Variants in SULT1C3 observed in about 807,000 individuals in gnomAD.
SULT1C3 encodes the protein sulfotransferase 1C3.
Under a neutral mutation model 28.4 loss-of-function variants are expected in SULT1C3, and 31 were observed. The observed-to-expected ratio is 1.09, with a 90% CI of 0.82 to 1.47. The LOEUF is 1.47. Ranked by LOEUF, SULT1C3 falls within the 40% of genes most tolerant of loss-of-function variation. The probability of loss-of-function intolerance (pLI) is 0.00; values close to 1 mark genes in which losing one functional copy is unlikely to be tolerated. For missense variants in SULT1C3, 307 were observed against 272.5 expected, an observed-to-expected ratio of 1.13 and a Z score of -0.89; for synonymous variants, 106 against 92.2, an observed-to-expected ratio of 1.15 and a Z score of -0.86.
rs1463760403 is a variant in SULT1C3, at chr2:108,252,416, T to A, written c.224T>A (p.Val75Glu). The change falls in exon 3 of 8, where the codon GTG becomes GAG. Residue 75 changes from valine to glutamate, a missense_variant. Coordinates refer to ENST00000681802, the MANE Select transcript of SULT1C3 (RefSeq NM_001320878.2). ...ILDMILNDGD[V>E]EKCKRAQTLD... Reference sequence around the variant, plus strand: ...GACATGATTCTAAATGATGGTGATGTGGAGAAATGCAAAAGAGCCCAGACT... The same window carrying A: ...GACATGATTCTAAATGATGGTGATGAGGAGAAATGCAAAAGAGCCCAGACT... 9 of 1,612,284 alleles carry A rather than the reference T, an allele frequency of 5.6e-6. No homozygotes were observed. The African/African-American group carries it at 1.2e-4, about 22-fold the overall frequency.
At chr2:108,248,090 A>G (rs1348839599) in intron 2 of SULT1C3, among the ~76,000 whole-genome samples, 1 of 152,186 alleles carries the variant, frequency 6.6e-6, no homozygotes, top group Non-Finnish European at 1.5e-5. Flanking sequence ...TATTCCCAGA[A>G]TTGTTTGTTT....
At chr2:108,250,257 G>A (rs1217273511) in intron 2 of SULT1C3, among the ~76,000 whole-genome samples, 2 of 151,538 alleles carry the variant, frequency 1.3e-5, no homozygotes, top group Non-Finnish European at 2.9e-5. Flanking sequence ...TATTAAAGTG[G>A]GCAAAAGATG....
intron 3 of SULT1C3, 59 bp from the exon 4 acceptor site, chr2:108,253,286 T>G (rs1043412589): frequency 9.2e-7 from 1 of 1,086,362 alleles, no homozygotes; most frequent in South Asian, 2.3e-5. Context: ...ATAAATGGAA[T>G]TCAAGTATTT....
chr2:108,265,011 T>G, downstream of SULT1C3: 6 of 1,604,298 alleles, frequency 3.7e-6, no homozygotes, highest in South Asian at 1.1e-5. Context: ...GAAAGGTAGA[T>G]AAGCTTTGTA....
intron 2 of SULT1C3, among the ~76,000 whole-genome samples, chr2:108,251,753 G>T (rs905987376): frequency 3.3e-5 from 5 of 151,978 alleles, no homozygotes; most frequent in Non-Finnish European, 7.4e-5. Context: ...ATGGAAAGAT[G>T]ATTCTAAGCT....
At chr2:108,250,234 C>CA (rs879647159) in intron 2 of SULT1C3, among the ~76,000 whole-genome samples, 1,626 of 144,482 alleles carry the variant, frequency 0.011, 21 homozygotes, top group African/African-American at 0.036. Context: ...GAACAAAAAA[C>CA]AAAAAAAAAA....
Position 108,258,843 on chromosome 2 carries a change from G to A in SULT1C3, c.621+15G>A, listed in dbSNP as rs1215642346. On this transcript the variant is annotated intron_variant, in intron 6 of 7. Transcript: ENST00000681802. The stretch of plus-strand genomic sequence containing the variant: ...ATATTAAAAAAGTAAGTGGCACTGA[G>A]ACTTATAGGTCAGACCCAGAAACCC... 6.3e-7 allele frequency: 1 copy of A among 1,594,014 alleles called. No homozygotes were observed. Among genetic ancestry groups the A allele is most frequent in the East Asian group, 2.2e-5 (1 of 44,536 alleles).
rs1479508509 is a variant in SULT1C3 at position 108,260,756 on chromosome 2, G to C, written c.*76G>C. 4.6e-6 allele frequency: 2 copies of C among 430,434 alleles called. No individual in the cohort carries two copies. The highest frequency in any genetic ancestry group is 1.4e-4 in the East Asian group (2 of 14,230). The allele number at this position is 430,434 out of a possible 1,614,324, so 26.7% of individuals were successfully genotyped here. A position where few individuals can be genotyped will look rare whatever the true frequency, so the allele number is the denominator to read the frequency against. Reference sequence around the variant, plus strand: ...TTTATTCTGTTGAGCAAGGAACTGTGACTGAATGTGGAGCTTATGAGCTTC... The same window carrying C: ...TTTATTCTGTTGAGCAAGGAACTGTCACTGAATGTGGAGCTTATGAGCTTC... On this transcript the variant is annotated 3_prime_UTR_variant, in exon 8 of 8. Coordinates refer to ENST00000681802, the MANE Select transcript of SULT1C3 (RefSeq NM_001320878.2).
intron 1 of SULT1C3, among the ~76,000 whole-genome samples, chr2:108,245,452 T>A (rs11123685): frequency 0.26 from 39,044 of 152,128 alleles, 6,297 homozygotes; most frequent in South Asian, 0.39. Context: ...CTGGTTAACT[T>A]CCAGACTTAG....
chr2:108,255,621 A>G lies in SULT1C3; in HGVS notation c.449A>G (p.His150Arg), dbSNP rs766074530. Residue 150 changes from histidine (H) to arginine (R), a missense_variant, in exon 5 of 8, where the codon CAC (histidine) becomes CGC (arginine). Coordinates refer to ENST00000681802, the MANE Select transcript of SULT1C3 (RefSeq NM_001320878.2). The stretch of plus-strand genomic sequence containing the variant: ...AAGGATTGCCTGGTGTCCTACTACC[A>G]CTTTCACAGGATGGCTTCCTTTATG... ...NPKDCLVSYYHFHRMASFMPD... is the reference protein window; with the variant it reads ...NPKDCLVSYYRFHRMASFMPD... 1 of 1,611,822 alleles carries G rather than the reference A, an allele frequency of 6.2e-7. No homozygotes were observed. Among genetic ancestry groups the G allele is most frequent in the Non-Finnish European group, 8.5e-7 (1 of 1,178,580 alleles).
chr2:108,259,356 C>T (rs191466808), intron 7 of SULT1C3, among the ~76,000 whole-genome samples: 14 of 152,214 alleles, frequency 9.2e-5, no homozygotes, highest in African/African-American at 3.1e-4. Flanking sequence ...CTTGCTAAAG[C>T]TCTGATTGCT....
chr2:108,252,794 G>A (rs1322471016), intron 3 of SULT1C3, among the ~76,000 whole-genome samples: 1 of 151,964 alleles, frequency 6.6e-6, no homozygotes, highest in African/African-American at 2.4e-5. Flanking sequence ...TTGAATCAGT[G>A]GAAAGGCCAG....
chr2:108,240,720 G>A (rs1052283795), intron 1 of SULT1C3, among the ~76,000 whole-genome samples: 5 of 152,098 alleles, frequency 3.3e-5, no homozygotes, highest in African/African-American at 1.2e-4. Context: ...CTAAAATGTA[G>A]GCAAAAAGCT....
chr2:108,252,991 A>C (rs1030423920), intron 3 of SULT1C3, among the ~76,000 whole-genome samples: 1 of 152,026 alleles, frequency 6.6e-6, no homozygotes, highest in Admixed American at 6.6e-5. Flanking sequence ...TCTTTCCAAG[A>C]ATGACAACCT....
downstream of SULT1C3, chr2:108,265,263 A>G: frequency 1.2e-6 from 2 of 1,613,864 alleles, no homozygotes; most frequent in Non-Finnish European, 1.7e-6. Flanking sequence ...TGGAAGAACT[A>G]TTTTACTGTG....
At chr2:108,244,868 C>T (rs1675541553) in intron 1 of SULT1C3, among the ~76,000 whole-genome samples, 1 of 152,034 alleles carries the variant, frequency 6.6e-6, no homozygotes. Context: ...GTTGATTTTG[C>T]AACACTTGCA....
chr2:108,252,346 C>T lies in SULT1C3; in HGVS notation c.173-19C>T. On this transcript the variant is annotated intron_variant, in intron 2 of 7. Coordinates refer to ENST00000681802, the MANE Select transcript of SULT1C3 (RefSeq NM_001320878.2). ...AGTTCAATTGACTAAAATTAAAGAA[C>T]TATTTCAAATATTTTCAGGTACAAC... 1 of 1,585,804 alleles carries T rather than the reference C, an allele frequency of 6.3e-7. No individual in the cohort carries two copies. The highest frequency in any genetic ancestry group is 8.6e-7 in the Non-Finnish European group (1 of 1,167,546).
rs1676005410 is a variant in SULT1C3, at chr2:108,260,749, G to C, written c.*69G>C. 1 of 436,280 alleles carries C rather than the reference G, an allele frequency of 2.3e-6. No individual in the cohort carries two copies. Among genetic ancestry groups the C allele is most frequent in the African/African-American group, 2.0e-5 (1 of 49,624 alleles). 27.0% of individuals were successfully genotyped at this position (436,280 alleles called of 1,614,324 possible). A position where few individuals can be genotyped will look rare whatever the true frequency, so the allele number is the denominator to read the frequency against. The stretch of plus-strand genomic sequence containing the variant: ...TTCGCCTTTTATTCTGTTGAGCAAG[G>C]AACTGTGACTGAATGTGGAGCTTAT... On this transcript the variant is annotated 3_prime_UTR_variant, in exon 8 of 8. Coordinates refer to ENST00000681802, the MANE Select transcript of SULT1C3 (RefSeq NM_001320878.2).
chr2:108,249,852 C>T (rs1329492873), intron 2 of SULT1C3, among the ~76,000 whole-genome samples: 1 of 152,008 alleles, frequency 6.6e-6, no homozygotes, highest in Non-Finnish European at 1.5e-5. Context: ...ATTCAAAAGA[C>T]TGTGATACTG....
Sources: allele counts gnomAD v4.1 joint callset (sites outside exome capture counted in the v4.1 genomes callset), GRCh38; gene constraint gnomAD v4.1.1; transcripts MANE v1.5; gene names NCBI Gene and HGNC (gene_info 2026-07-23, HGNC 2026-07-21).